The following JHY variants were observed in gnomAD, a reference collection of about 807,000 sequenced individuals.
JHY encodes junctional cadherin complex regulator.
A neutral mutation model predicts 78.0 loss-of-function variants in JHY; 69 were observed. The observed-to-expected ratio is 0.88, with a 90% CI of 0.73 to 1.08. The LOEUF (loss-of-function observed/expected upper bound fraction) is 1.08. Among genes scored for constraint, JHY ranks in the 50% least tolerant of loss-of-function variants. JHY has a pLI of 0.00. For missense variants in JHY, 944 were observed against 927.8 expected (o/e 1.02, Z -0.23); for synonymous variants, 368 against 342.6 (o/e 1.07, Z -0.82).
Position 122,935,368 on chromosome 11 carries a change from G to A in JHY, c.1634+293G>A, listed in dbSNP as rs2135357059. ...TCCTGGCCCAGCCTCCCAAGTAGCA[G>A]GGATTACAAGCGTTCACCACCACAC... On this transcript the variant is annotated intron_variant, in intron 5 of 8. Transcript: ENST00000227349. The surrounding 1 kb of genome is among the most constrained non-coding windows in gnomAD (Gnocchi z 4.5). Among the ~76,000 whole-genome samples, 1 of 152,112 alleles carries A rather than the reference G, an allele frequency of 6.6e-6. No individual in the cohort carries two copies. Among genetic ancestry groups the A allele is most frequent in the Admixed American group, 6.5e-5 (1 of 15,282 alleles).
intron 6 of JHY, among the ~76,000 whole-genome samples, chr11:122,950,075 C>T (rs1864057241): frequency 6.6e-6 from 1 of 152,056 alleles, no homozygotes; most frequent in Non-Finnish European, 1.5e-5. Context: ...CTCAGATGAT[C>T]CACCTGCCTT....
rs1056704535 is a variant in JHY at position 122,917,819 on chromosome 11, A to T, written c.865-7078A>T. The stretch of plus-strand genomic sequence containing the variant: ...TGGATAATCAGTCTTTCTGTAAGTT[A>T]TATGAGATATTCCTAAAAATCTCTT... On this transcript the variant is annotated intron_variant, in intron 3 of 8. Transcript: ENST00000227349. The surrounding 1 kb of genome is among the most constrained non-coding windows in gnomAD (Gnocchi z 4.1). Among the ~76,000 whole-genome samples, 3 of 152,240 alleles carry T rather than the reference A, an allele frequency of 2.0e-5. No individual in the cohort carries two copies. Among genetic ancestry groups the T allele is most frequent in the Admixed American group, 6.5e-5 (1 of 15,286 alleles).
chr11:122,882,831 C>G lies in JHY; in HGVS notation c.-231C>G, dbSNP rs1862406931. The G allele has an allele frequency of 6.5e-6, 1 of 152,908 alleles. No homozygotes were observed. Among genetic ancestry groups the G allele is most frequent in the African/African-American group, 2.4e-5 (1 of 41,426 alleles). 9.5% of individuals were successfully genotyped at this position (152,908 alleles called of 1,614,324 possible). A position where few individuals can be genotyped will look rare whatever the true frequency, so the allele number is the denominator to read the frequency against. ...CGCGGGATCCTAGGTCGGGTCCTGC[C>G]CCGCCCATGTGGCGCCGGCGTCTGT... On this transcript the variant is annotated 5_prime_UTR_variant, in exon 1 of 9. Coordinates refer to ENST00000227349, the MANE Select transcript of JHY (RefSeq NM_024806.4).
intron 2 of JHY, among the ~76,000 whole-genome samples, chr11:122,889,422 C>CT (rs530708753): frequency 2.8e-4 from 43 of 152,208 alleles, no homozygotes; most frequent in African/African-American, 9.6e-4. Context: ...TGCACAGAGA[C>CT]TTTTTTTCTT....
rs775156566 is a variant in JHY at position 122,956,541 on chromosome 11, G to A, written c.1975G>A (p.Gly659Ser). ...TCAGAAAAGAGACGTGAAGCTTGGA[G>A]GCCTCGGACCTGACTTTGAGTCCAT... ...GYQKRDVKLG[G>S]LGPDFESIRD... The change falls in exon 7 of 9, where the codon GGC (glycine) becomes AGC (serine). Residue 659 changes from glycine to serine, a missense_variant. Gly to Ser is a moderately conservative substitution (Grantham distance 56). Transcript: ENST00000227349. 2 of 1,613,574 alleles carry A rather than the reference G, an allele frequency of 1.2e-6. No homozygotes were observed. Among genetic ancestry groups the A allele is most frequent in the Admixed American group, 1.7e-5 (1 of 59,984 alleles).
At chr11:122,929,053 A>G (rs1056169283) in intron 4 of JHY, among the ~76,000 whole-genome samples, 1 of 150,884 alleles carries the variant, frequency 6.6e-6, no homozygotes, top group Non-Finnish European at 1.5e-5. Context: ...CAAGCCTCCC[A>G]AGTAGCTGGG....
intron 6 of JHY, chr11:122,947,065 A>C: frequency 3.2e-6 from 1 of 312,170 alleles, no homozygotes; most frequent in Non-Finnish European, 5.8e-6. Context: ...GAGTGGCAGA[A>C]CTCCTCCTTT....
At chr11:122,926,212 A>C (rs893578538) in intron 4 of JHY, among the ~76,000 whole-genome samples, 1 of 85,266 alleles carries the variant, frequency 1.2e-5, no homozygotes, top group East Asian at 3.0e-4. Context: ...AAAAAGAAAA[A>C]AGAAAAAGAA....
At chr11:122,927,903 G>T (rs1425259006) in intron 4 of JHY, among the ~76,000 whole-genome samples, 3 of 151,792 alleles carry the variant, frequency 2.0e-5, no homozygotes, top group Admixed American at 2.0e-4. Context: ...GCTAATTTTT[G>T]TATTTTTAGT....
chr11:122,895,480 A>G (rs1286822021), intron 2 of JHY, among the ~76,000 whole-genome samples: 2 of 152,236 alleles, frequency 1.3e-5, no homozygotes, highest in Non-Finnish European at 2.9e-5. Flanking sequence ...ACAATATTGA[A>G]TATGAGGCTC....
chr11:122,943,972 G>A (rs1333291176), intron 5 of JHY, among the ~76,000 whole-genome samples: 1 of 152,172 alleles, frequency 6.6e-6, no homozygotes, highest in Non-Finnish European at 1.5e-5. Context: ...TTGGGAGGCT[G>A]AGAAGGGAGG....
At position 122,905,326 on chromosome 11, in the gene JHY, T is replaced by C. The variant is rs1256468417; in HGVS notation, c.864+882T>C. 1.4e-5 allele frequency: 22 copies of C among 1,578,784 alleles called. 1 individual carries two copies. In the East Asian group the frequency reaches 5.0e-4, roughly 36 times the overall value. ...CAGGACAAGAGTGGGGTTAGAATGG[T>C]AGAGTCCACCACTCTTACTGGAAAG... On this transcript the variant is annotated intron_variant, in intron 3 of 8. Transcript: ENST00000227349.
intron 5 of JHY, among the ~76,000 whole-genome samples, chr11:122,938,914 C>T (rs1033939606): frequency 6.6e-5 from 10 of 150,822 alleles, no homozygotes; most frequent in African/African-American, 2.2e-4. Context: ...CAGCGAGCTG[C>T]GGAGAGAGGG....
intron 3 of JHY, among the ~76,000 whole-genome samples, chr11:122,916,034 C>T (rs181930007): frequency 1.3e-5 from 2 of 151,418 alleles, no homozygotes; most frequent in East Asian, 3.9e-4. Context: ...TGGGAAGGGT[C>T]TCGGGGGTAG....
At position 122,898,263 on chromosome 11, in the gene JHY, T is replaced by G. The variant is rs1379151029; in HGVS notation, c.345-5662T>G. On this transcript the variant is annotated intron_variant, in intron 2 of 8. Coordinates refer to ENST00000227349, the MANE Select transcript of JHY (RefSeq NM_024806.4). The surrounding 1 kb of genome is among the most constrained non-coding windows in gnomAD (Gnocchi z 4.4). ...CCATGCTTATCTGTTGACCGACTGA[T>G]CCATTCGCTGATTCACATAAGGCAG... is the stretch of plus-strand genomic sequence containing the variant. Among the ~76,000 whole-genome samples, 4 of 152,170 alleles carry G rather than the reference T, an allele frequency of 2.6e-5. No individual in the cohort carries two copies. Among genetic ancestry groups the G allele is most frequent in the Admixed American group, 2.0e-4 (3 of 15,276 alleles).
At chr11:122,897,377 C>T (rs1393468721) in intron 2 of JHY, among the ~76,000 whole-genome samples, 1 of 152,162 alleles carries the variant, frequency 6.6e-6, no homozygotes, top group Non-Finnish European at 1.5e-5. Flanking sequence ...GCACATGCCA[C>T]AGTACCTGGC....
intron 2 of JHY, among the ~76,000 whole-genome samples, chr11:122,896,560 A>G (rs564576278): frequency 6.6e-6 from 1 of 152,244 alleles, no homozygotes; most frequent in African/African-American, 2.4e-5. Context: ...GTGATTAAAA[A>G]CTGGATTTTT....
Position 122,935,184 on chromosome 11 carries a change from G to C in JHY, c.1634+109G>C. 2.0e-6 allele frequency: 2 copies of C among 1,011,288 alleles called. No homozygotes were observed. The highest frequency in any genetic ancestry group is 5.3e-5 in the East Asian group (2 of 38,000). The allele number at this position is 1,011,288 out of a possible 1,614,324, so 62.6% of individuals were successfully genotyped here. On this transcript the variant is annotated intron_variant, in intron 5 of 8. Transcript: ENST00000227349. This position sits in a 1 kb window ranked among gnomAD's most constrained non-coding sequence, Gnocchi z 4.5. Reference sequence around the variant, plus strand: ...GGGAATCCATAAGGTGGCTAGGTGAGAAGAAGAGTTCACCTAACAACTTCC... The same window carrying C: ...GGGAATCCATAAGGTGGCTAGGTGACAAGAAGAGTTCACCTAACAACTTCC...
rs1471646853 is a variant in JHY, at chr11:122,946,751, CTGG to C, written c.1889_1891del (p.Leu630_Glu631delinsGln). 1 of 1,612,946 alleles carries C rather than the reference CTGG, an allele frequency of 6.2e-7. No homozygotes were observed. The highest frequency in any genetic ancestry group is 1.1e-5 in the South Asian group (1 of 90,760). ...CAATTCTGAAGGCTATCTGTTTCAA[CTGG>C]AAAAGGGAAAAAAGCATAAGAAAAG... On this transcript the variant is annotated inframe_deletion, in exon 6 of 9. Transcript: ENST00000227349.
Sources: allele counts gnomAD v4.1 joint callset (sites outside exome capture counted in the v4.1 genomes callset), GRCh38; gene constraint gnomAD v4.1.1; non-coding constraint Gnocchi (gnomAD v3.1); transcripts MANE v1.5; gene names NCBI Gene and HGNC (gene_info 2026-07-23, HGNC 2026-07-21).